The following PTPRT variants were observed in gnomAD, a reference collection of about 807,000 sequenced individuals.
PTPRT encodes receptor-type tyrosine-protein phosphatase T.
PTPRT carries 56 observed loss-of-function variants against 176.8 expected under a neutral mutation model. That is an observed-to-expected ratio of 0.32 (90% CI 0.26 to 0.40). The LOEUF is 0.40. Among genes scored for constraint, PTPRT ranks in the 10% least tolerant of loss-of-function variants. The pLI, the probability that PTPRT is intolerant of heterozygous loss-of-function variation, is 1.00. For missense variants in PTPRT, 1,540 were observed against 1,908.2 expected (o/e 0.81, Z 3.60); for synonymous variants, 783 against 739.0 (o/e 1.06, Z -0.96).
intron 7 of PTPRT, among the ~76,000 whole-genome samples, chr20:42,590,967 T>C (rs987879206): frequency 7.0e-6 from 1 of 142,846 alleles, no homozygotes; most frequent in African/African-American, 2.9e-5. Context: ...TGTGTGTGTG[T>C]GTGTGTGTAA....
rs115285270 is a variant in PTPRT at position 43,078,520 on chromosome 20, T to C, written c.88+111126A>G. Among the ~76,000 whole-genome samples, 381 of 152,268 alleles carry C rather than the reference T, an allele frequency of 2.5e-3. 1 individual carries two copies. Among genetic ancestry groups the C allele is most frequent in the African/African-American group, 9.1e-3 (376 of 41,538 alleles). The stretch of plus-strand genomic sequence containing the variant: ...TTACTTATAGACATTACTAGGCACA[T>C]AAATTTTGGTTTGATAGCTCCTGTT... On this transcript the variant is annotated intron_variant, in intron 1 of 30. Transcript: ENST00000373187.
Position 42,926,696 on chromosome 20 carries a change from G to C in PTPRT, c.89-40764C>G, listed in dbSNP as rs558220401. 2.6e-5 allele frequency among the ~76,000 whole-genome samples: 4 copies of C among 152,184 alleles called. No individual in the cohort carries two copies. The South Asian group carries it at 8.3e-4, about 32-fold the overall frequency. On this transcript the variant is annotated intron_variant, in intron 1 of 30. Coordinates refer to ENST00000373187, the MANE Select transcript of PTPRT (RefSeq NM_007050.6). ...TCTGCTTCCTCCCCGTGTGCCCAAG[G>C]ACCTGTTTCTGAACCTCTCCATGTC...
intron 7 of PTPRT, among the ~76,000 whole-genome samples, chr20:42,664,853 T>C (rs1007574832): frequency 6.6e-6 from 1 of 152,202 alleles, no homozygotes; most frequent in Non-Finnish European, 1.5e-5. Flanking sequence ...GGGAAATGAC[T>C]CCCTATTTAA....
intron 9 of PTPRT, among the ~76,000 whole-genome samples, chr20:42,376,423 T>C (rs1216379732): frequency 6.6e-6 from 1 of 152,204 alleles, no homozygotes. Flanking sequence ...CAGTGATCAA[T>C]GGCTCCATTG....
At chr20:43,073,578 G>A (rs1026215978) in intron 1 of PTPRT, among the ~76,000 whole-genome samples, 1 of 150,598 alleles carries the variant, frequency 6.6e-6, no homozygotes, top group Non-Finnish European at 1.5e-5. Flanking sequence ...ATATTAGGTT[G>A]GTGCAAAAGT....
chr20:42,296,949 T>C (rs938422897), intron 12 of PTPRT, among the ~76,000 whole-genome samples: 1 of 151,916 alleles, frequency 6.6e-6, no homozygotes, highest in Non-Finnish European at 1.5e-5. Flanking sequence ...CAAAGAAATA[T>C]ATAAATATAT....
chr20:42,619,982 G>A (rs1401693080), intron 7 of PTPRT, among the ~76,000 whole-genome samples: 6 of 149,746 alleles, frequency 4.0e-5, no homozygotes, highest in Non-Finnish European at 8.9e-5. Context: ...CGTTGCTGGT[G>A]AGGAACTGCG....
chr20:42,199,828 G>A (rs1991378954), intron 15 of PTPRT, among the ~76,000 whole-genome samples: 1 of 152,076 alleles, frequency 6.6e-6, no homozygotes, highest in South Asian at 2.1e-4. Context: ...CCAAATAATA[G>A]TAGAGTGAAG....
In PTPRT at chr20:42,396,247, A is replaced by G. The variant is rs79259589; in HGVS notation, c.1561-43962T>C. 5.2e-3 allele frequency among the ~76,000 whole-genome samples: 786 copies of G among 152,060 alleles called. 13 individuals are homozygous for G. Among genetic ancestry groups the G allele is most frequent in the African/African-American group, 0.018 (760 of 41,466 alleles). On this transcript the variant is annotated intron_variant, in intron 9 of 30. Transcript: ENST00000373187. ...CATTTTTGATTCCTCTCTTTCTTTC[A>G]CATCCCAAACCTACTTTGCTACCAA... is the stretch of plus-strand genomic sequence containing the variant.
In PTPRT at chr20:43,021,763, C is replaced by T. The variant is rs192558411; in HGVS notation, c.89-135831G>A. Among the ~76,000 whole-genome samples the T allele has an allele frequency of 3.6e-3, 535 of 150,328 alleles. 4 individuals are homozygous for T. Among genetic ancestry groups the T allele is most frequent in the African/African-American group, 0.012 (509 of 40,958 alleles). On this transcript the variant is annotated intron_variant, in intron 1 of 30. Transcript: ENST00000373187. ...CAGAAACCAAATTAAATTAACCTGA[C>T]CTGAATGAATTAGGGTTTTATTTTT...
At chr20:42,576,165 C>G (rs1277603390) in intron 7 of PTPRT, among the ~76,000 whole-genome samples, 1 of 152,110 alleles carries the variant, frequency 6.6e-6, no homozygotes, top group Non-Finnish European at 1.5e-5. Context: ...GGGCCTTTGT[C>G]CCTAGATAAT....
At chr20:42,738,186 G>A (rs113868856) in intron 6 of PTPRT, among the ~76,000 whole-genome samples, 1,959 of 152,160 alleles carry the variant, frequency 0.013, 32 homozygotes, top group African/African-American at 0.044. Context: ...GTTAGTTCCC[G>A]TCCACAAAGC....
At chr20:42,145,640 G>T (rs961178165) in intron 17 of PTPRT, among the ~76,000 whole-genome samples, 3 of 152,192 alleles carry the variant, frequency 2.0e-5, no homozygotes, top group African/African-American at 7.2e-5. Flanking sequence ...TGGCTGAGTA[G>T]GTGGAATTAG....
chr20:42,841,013 G>C (rs888545082), intron 2 of PTPRT, among the ~76,000 whole-genome samples: 2 of 152,112 alleles, frequency 1.3e-5, no homozygotes, highest in African/African-American at 4.8e-5. Flanking sequence ...TCAACACCAG[G>C]CTCCTTGGCA....
intron 1 of PTPRT, among the ~76,000 whole-genome samples, chr20:43,017,707 C>T (rs1985445334): frequency 6.6e-6 from 1 of 152,222 alleles, no homozygotes; most frequent in Non-Finnish European, 1.5e-5. Flanking sequence ...TCCATCCTGT[C>T]TCAGACCTCC....
chr20:42,788,344 G>A lies in PTPRT; in HGVS notation c.486+2851C>T, dbSNP rs190270925. 5.3e-5 allele frequency among the ~76,000 whole-genome samples: 8 copies of A among 152,128 alleles called. No homozygotes were observed. In the East Asian group the frequency reaches 1.2e-3, roughly 22 times the overall value. Reference sequence around the variant, plus strand: ...AAGCAGATGAGAATAGGGAGCGAGTGGCTGAATGATGGTGTGATGAGTTCT... The same window carrying A: ...AAGCAGATGAGAATAGGGAGCGAGTAGCTGAATGATGGTGTGATGAGTTCT... On this transcript the variant is annotated intron_variant, in intron 3 of 30. Coordinates refer to ENST00000373187, the MANE Select transcript of PTPRT (RefSeq NM_007050.6).
chr20:42,832,239 C>T (rs995104405), intron 2 of PTPRT, among the ~76,000 whole-genome samples: 1 of 152,146 alleles, frequency 6.6e-6, no homozygotes, highest in Admixed American at 6.5e-5. Context: ...GAGCTGTATT[C>T]TAAGCAAACT....
At chr20:42,118,571 C>A (rs16986527) in intron 20 of PTPRT, 71 bp from the exon 21 acceptor site, 22 of 1,397,268 alleles carry the variant, frequency 1.6e-5, no homozygotes, top group Non-Finnish European at 2.1e-5. Flanking sequence ...TTTGTCCCCC[C>A]GGTTGGTCAA....
chr20:42,743,044 G>C (rs143948880), intron 6 of PTPRT, among the ~76,000 whole-genome samples: 299 of 152,282 alleles, frequency 2.0e-3, no homozygotes, highest in African/African-American at 7.1e-3. Flanking sequence ...GAGATTAAAA[G>C]AACAAACCAC....
Sources: gnomAD v4.1 joint callset for allele counts (sites outside exome capture counted in the v4.1 genomes callset) on GRCh38, gnomAD v4.1.1 for gene constraint, MANE v1.5 for transcripts, NCBI Gene and HGNC (gene_info 2026-07-23, HGNC 2026-07-21) for gene names.